Variants in TAOK1 observed in about 807,000 individuals in gnomAD.
TAOK1 encodes the protein TAO kinase 1.
A neutral mutation model predicts 138.3 loss-of-function variants in TAOK1; 21 were observed. That is an observed-to-expected ratio of 0.15 (90% CI 0.11 to 0.22). The LOEUF is 0.22. Ranked by LOEUF, TAOK1 falls within the 10% of genes least tolerant of loss-of-function variation. The probability of loss-of-function intolerance (pLI) is 1.00; values close to 1 mark genes in which losing one functional copy is unlikely to be tolerated. For synonymous variants in TAOK1, 361 were observed against 398.4 expected (o/e 0.91, Z 1.12); for missense variants, 651 against 1,227.7 (o/e 0.53, Z 7.02).
At chr17:29,424,083 G>C (rs1252849571) in intron 1 of TAOK1, among the ~76,000 whole-genome samples, 1 of 148,934 alleles carries the variant, frequency 6.7e-6, no homozygotes, top group Non-Finnish European at 1.5e-5. Context: ...TTGTTTCATG[G>C]CCCAGTATAT....
intron 3 of TAOK1, among the ~76,000 whole-genome samples, chr17:29,468,330 T>G (rs1165913032): frequency 6.0e-5 from 9 of 150,732 alleles, no homozygotes; most frequent in Non-Finnish European, 1.2e-4. Context: ...AGAGACAGGG[T>G]TTCACCATGT....
At chr17:29,463,123 C>A (rs919000859) in intron 2 of TAOK1, among the ~76,000 whole-genome samples, 1 of 151,626 alleles carries the variant, frequency 6.6e-6, no homozygotes, top group Non-Finnish European at 1.5e-5. Context: ...ATTATTTATC[C>A]CTTTCCATAT....
chr17:29,476,652 A>G (rs1226353973), intron 4 of TAOK1, among the ~76,000 whole-genome samples: 1 of 152,046 alleles, frequency 6.6e-6, no homozygotes, highest in Non-Finnish European at 1.5e-5. Context: ...GTTCCAGGAC[A>G]CCCACCCCCA....
rs573785341 is a variant in TAOK1 at position 29,502,940 on chromosome 17, A to G, written c.1338+217A>G. Among the ~76,000 whole-genome samples, 101 of 152,368 alleles carry G rather than the reference A, an allele frequency of 6.6e-4. 4 individuals are homozygous for G. In the South Asian group the frequency reaches 0.019, roughly 29 times the overall value. On this transcript the variant is annotated intron_variant, in intron 13 of 19. Transcript: ENST00000261716. ...CATGACACGTACACAAAAAACGAGT[A>G]TGTTAGAATATCTTAAATAAGATAA...
intron 1 of TAOK1, among the ~76,000 whole-genome samples, chr17:29,426,086 T>C (rs1243517311): frequency 6.6e-6 from 1 of 152,154 alleles, no homozygotes; most frequent in Non-Finnish European, 1.5e-5. Context: ...TTCACTGTGT[T>C]AGCCAGGATG....
chr17:29,407,881 G>A (rs1384320453), intron 1 of TAOK1, among the ~76,000 whole-genome samples: 1 of 151,008 alleles, frequency 6.6e-6, no homozygotes, highest in Admixed American at 6.6e-5. Context: ...GTTTAGTTTT[G>A]TTTCTGAGGC....
rs371924059 is a variant in TAOK1 at position 29,495,551 on chromosome 17, C to T, written c.832-9C>T. On this transcript the variant is annotated splice_polypyrimidine_tract_variant and intron_variant, in intron 10 of 19. Transcript: ENST00000261716. ...AAAAAATCAACCTTTTACCTTCTAC[C>T]CTATCTAGCACATATTTGTTCTTCG... The T allele has an allele frequency of 6.4e-7, 1 of 1,562,050 alleles. No individual in the cohort carries two copies. The highest frequency in any genetic ancestry group is 1.4e-5 in the African/African-American group (1 of 73,646).
intron 10 of TAOK1, 126 bp from the exon 11 acceptor site, chr17:29,495,434 A>T (rs1351218732): frequency 5.9e-6 from 4 of 678,130 alleles, no homozygotes; most frequent in Non-Finnish European, 8.9e-6. Context: ...GAAGAAATTT[A>T]ACAGAATTAT....
In TAOK1 at chr17:29,507,960, A is replaced by G; in HGVS notation, c.1403A>G (p.Lys468Arg). ...CTTAGAGAACAAATGTCTGGCTATA[A>G]GCGAATGAGGCGACAACATCAAAAG... ...SELREQMSGY[K>R]RMRRQHQKQL... Residue 468 changes from lysine (K) to arginine (R), a missense_variant, in exon 14 of 20, where the codon AAG (lysine) becomes AGG (arginine). By Grantham distance (26) the Lys-to-Arg change is conservative. This residue lies in a region of TAOK1 where 258 missense variants were observed against 548.9 expected (regional missense o/e 0.47). Coordinates refer to ENST00000261716, the MANE Select transcript of TAOK1 (RefSeq NM_020791.4). The G allele has an allele frequency of 6.2e-7, 1 of 1,614,122 alleles. No individual in the cohort carries two copies. The highest frequency in any genetic ancestry group is 8.5e-7 in the Non-Finnish European group (1 of 1,179,978).
At chr17:29,461,424 T>C (rs144992534) in intron 2 of TAOK1, among the ~76,000 whole-genome samples, 69 of 152,320 alleles carry the variant, frequency 4.5e-4, no homozygotes, top group African/African-American at 1.6e-3. Context: ...TATATTTAGA[T>C]AGAAAATCTC....
At chr17:29,400,181 G>A (rs905372121) in intron 1 of TAOK1, among the ~76,000 whole-genome samples, 3 of 152,010 alleles carry the variant, frequency 2.0e-5, no homozygotes, top group African/African-American at 7.2e-5. Context: ...ATTGCTTGAG[G>A]TCAGGAGTTC....
intron 18 of TAOK1, 42 bp from the exon 19 acceptor site, chr17:29,534,076 T>A (rs2032180427): frequency 1.1e-5 from 17 of 1,542,506 alleles, no homozygotes; most frequent in African/African-American, 1.4e-5. Flanking sequence ...TAGCTAACAT[T>A]AGGATATATC....
Position 29,430,797 on chromosome 17 carries a change from C to T in TAOK1, c.-94-20658C>T, listed in dbSNP as rs772277366. Among the ~76,000 whole-genome samples, 19 of 152,228 alleles carry T rather than the reference C, an allele frequency of 1.2e-4. 1 individual carries two copies. The Middle Eastern group carries it at 0.014, about 109-fold the overall frequency. On this transcript the variant is annotated intron_variant, in intron 1 of 19. Coordinates refer to ENST00000261716, the MANE Select transcript of TAOK1 (RefSeq NM_020791.4). ...GTCTTTCTTCTGTAACTGCTTCATG[C>T]TGATTTGGGGCTTAGTCCCTACCTG...
intron 19 of TAOK1, among the ~76,000 whole-genome samples, chr17:29,542,320 C>T (rs1382624478): frequency 6.6e-6 from 1 of 152,022 alleles, no homozygotes; most frequent in East Asian, 1.9e-4. Flanking sequence ...ACTAAAAGCC[C>T]AGACTTCACC....
intron 10 of TAOK1, among the ~76,000 whole-genome samples, chr17:29,495,343 A>C (rs2031391420): frequency 6.6e-6 from 1 of 152,220 alleles, no homozygotes; most frequent in African/African-American, 2.4e-5. Flanking sequence ...TTGGCCAACA[A>C]AAATATTATG....
intron 1 of TAOK1, among the ~76,000 whole-genome samples, chr17:29,444,497 A>C (rs1259804817): frequency 1.3e-5 from 2 of 152,120 alleles, no homozygotes; most frequent in African/African-American, 4.8e-5. Flanking sequence ...GTCTTTTGGG[A>C]GTTCTCGTGT....
chr17:29,537,476 A>G (rs1175026388), intron 19 of TAOK1, among the ~76,000 whole-genome samples: 1 of 149,814 alleles, frequency 6.7e-6, no homozygotes, highest in Admixed American at 6.6e-5. Flanking sequence ...TCAGCCTCAC[A>G]ACTACAGGCA....
At chr17:29,534,807 A>T (rs1245324678) in intron 19 of TAOK1, among the ~76,000 whole-genome samples, 1 of 152,188 alleles carries the variant, frequency 6.6e-6, no homozygotes, top group Non-Finnish European at 1.5e-5. Context: ...CACAGGTGAA[A>T]AGTCAGGCTG....
rs2032418360 is a variant in TAOK1 at position 29,547,342 on chromosome 17, A to G, written c.*4320A>G. The G allele has an allele frequency of 1.3e-5, 2 of 152,210 alleles. No homozygotes were observed. Among genetic ancestry groups the G allele is most frequent in the Middle Eastern group, 3.4e-3 (1 of 294 alleles). The allele number at this position is 152,210 out of a possible 1,614,324, so 9.4% of individuals were successfully genotyped here. Reference sequence around the variant, plus strand: ...AACAGGAAATGGCCACTGGGAGAGAAGGATTTGGTATTGGGTGAGGGGCTT... The same window carrying G: ...AACAGGAAATGGCCACTGGGAGAGAGGGATTTGGTATTGGGTGAGGGGCTT... On this transcript the variant is annotated 3_prime_UTR_variant, in exon 20 of 20. Transcript: ENST00000261716.
Sources: gnomAD v4.1 joint callset for allele counts (sites outside exome capture counted in the v4.1 genomes callset) on GRCh38, gnomAD v4.1.1 for gene constraint, gnomAD v4.1.1 regional missense constraint, MANE v1.5 for transcripts, NCBI Gene and HGNC (gene_info 2026-07-23, HGNC 2026-07-21) for gene names.